The following ERI3 variants were observed in gnomAD, a reference collection of about 807,000 sequenced individuals.
The protein encoded by ERI3 is ERI1 exoribonuclease 3.
A neutral mutation model predicts 44.4 loss-of-function variants in ERI3; 18 were observed. The observed-to-expected ratio is 0.41, with a 90% CI of 0.28 to 0.60. The LOEUF (loss-of-function observed/expected upper bound fraction) is 0.60. Ranked by LOEUF, ERI3 falls within the 20% of genes least tolerant of loss-of-function variation. The pLI, the probability that ERI3 is intolerant of heterozygous loss-of-function variation, is 0.36. For synonymous variants in ERI3, 183 were observed against 164.8 expected (o/e 1.11, Z -0.84); for missense variants, 294 against 435.5 (o/e 0.68, Z 2.89).
intron 8 of ERI3, among the ~76,000 whole-genome samples, chr1:44,243,005 G>A (rs576621335): frequency 1.4e-4 from 22 of 152,276 alleles, no homozygotes; most frequent in Non-Finnish European, 2.9e-4. Context: ...CGATTCTCCC[G>A]CAGTGACACC....
At chr1:44,259,709 C>CACACACACACACAA (rs1644851469) in intron 7 of ERI3, among the ~76,000 whole-genome samples, 2 of 151,574 alleles carry the variant, frequency 1.3e-5, no homozygotes, top group Admixed American at 1.3e-4. Context: ...CACACACACA[C>CACACACACACACAA]ACACACACAC....
intron 7 of ERI3, among the ~76,000 whole-genome samples, chr1:44,267,817 C>G (rs1160003012): frequency 6.6e-6 from 1 of 152,220 alleles, no homozygotes; most frequent in Non-Finnish European, 1.5e-5. Flanking sequence ...CTGCCCACAC[C>G]CACACAAAAA....
At chr1:44,338,376 G>A (rs1354782653) in intron 3 of ERI3, among the ~76,000 whole-genome samples, 3 of 152,156 alleles carry the variant, frequency 2.0e-5, no homozygotes, top group Non-Finnish European at 4.4e-5. Flanking sequence ...CCTGACCGGG[G>A]CTGGTAGATT....
chr1:44,313,043 C>T, intron 5 of ERI3, 126 bp downstream of exon 5: 2 of 814,666 alleles, frequency 2.5e-6, no homozygotes, highest in East Asian at 2.6e-5. Flanking sequence ...ACTGATGTGA[C>T]AGCAAATGTT....
chr1:44,227,869 T>C (rs550210334), intron 8 of ERI3, among the ~76,000 whole-genome samples: 43 of 152,302 alleles, frequency 2.8e-4, no homozygotes, highest in Middle Eastern at 6.8e-3. Flanking sequence ...TCTTCTTCTC[T>C]AAAATGGGAA....
chr1:44,342,835 ATATATAT>A (rs1646695471), intron 2 of ERI3, among the ~76,000 whole-genome samples: 1 of 25,548 alleles, frequency 3.9e-5, no homozygotes, highest in Non-Finnish European at 7.2e-5. Flanking sequence ...ATATATATAT[ATATATAT>A]ATATATATAT....
At chr1:44,336,186 AG>A (rs1353443077) in intron 3 of ERI3, among the ~76,000 whole-genome samples, 2 of 152,220 alleles carry the variant, frequency 1.3e-5, no homozygotes, top group Non-Finnish European at 2.9e-5. Context: ...TAAACAGCAC[AG>A]GGGCTCTAAT....
At chr1:44,348,263 G>C (rs1317245929) in intron 2 of ERI3, among the ~76,000 whole-genome samples, 1 of 152,168 alleles carries the variant, frequency 6.6e-6, no homozygotes, top group Non-Finnish European at 1.5e-5. Context: ...GAGACAGACA[G>C]GGAGAGAGAG....
chr1:44,263,613 G>A (rs1267219002), intron 7 of ERI3, among the ~76,000 whole-genome samples: 2 of 152,222 alleles, frequency 1.3e-5, no homozygotes, highest in Admixed American at 6.5e-5. Flanking sequence ...GCAACCAGGT[G>A]GCTTCCTGGA....
intron 1 of ERI3, chr1:44,354,381 A>G (rs1046117952): frequency 2.0e-6 from 2 of 985,424 alleles, no homozygotes; most frequent in Non-Finnish European, 1.2e-6. Flanking sequence ...AACAAGGAGC[A>G]GTTATATTTT....
chr1:44,246,261 G>C (rs1246002768), intron 8 of ERI3, among the ~76,000 whole-genome samples: 2 of 152,108 alleles, frequency 1.3e-5, no homozygotes, highest in Non-Finnish European at 2.9e-5. Flanking sequence ...ATGCCCACAG[G>C]CCTTTCTACT....
rs1193466254 is a variant in ERI3 at position 44,355,204 on chromosome 1, C to CCCGG, written c.-182_-179dup. The CCCGG allele has an allele frequency of 8.4e-7, 1 of 1,195,054 alleles. No homozygotes were observed. Among genetic ancestry groups the CCCGG allele is most frequent in the African/African-American group, 1.6e-5 (1 of 62,976 alleles). 74.0% of individuals were successfully genotyped at this position (1,195,054 alleles called of 1,614,324 possible). A position where few individuals can be genotyped will look rare whatever the true frequency, so the allele number is the denominator to read the frequency against. ...CTCCGCCCGCTCCCCACCGCCCGTTCCCGGCCGCCTGAACAGCGGCAGCCA... is the reference window on the plus strand; with the variant it reads ...CTCCGCCCGCTCCCCACCGCCCGTTCCCGGCCGGCCGCCTGAACAGCGGCAGCCA... On this transcript the variant is annotated 5_prime_UTR_variant, in exon 1 of 9. Coordinates refer to ENST00000372257, the MANE Select transcript of ERI3 (RefSeq NM_024066.3).
intron 7 of ERI3, among the ~76,000 whole-genome samples, chr1:44,250,393 G>A (rs1226290339): frequency 2.0e-5 from 3 of 152,174 alleles, no homozygotes; most frequent in East Asian, 1.9e-4. Flanking sequence ...CCGCGTCACC[G>A]TGATTAGATT....
chr1:44,316,256 C>T (rs945620514), intron 4 of ERI3, among the ~76,000 whole-genome samples: 5 of 152,174 alleles, frequency 3.3e-5, no homozygotes, highest in African/African-American at 1.2e-4. Context: ...AGAACCAGGG[C>T]TCACAGGCTA....
intron 6 of ERI3, among the ~76,000 whole-genome samples, chr1:44,289,325 G>A (rs1645457172): frequency 6.6e-6 from 1 of 152,130 alleles, no homozygotes; most frequent in South Asian, 2.1e-4. Flanking sequence ...ATGGGTCTAA[G>A]GCCAGAAAGG....
chr1:44,327,478 T>C (rs188563675), intron 3 of ERI3, among the ~76,000 whole-genome samples: 31 of 152,364 alleles, frequency 2.0e-4, no homozygotes, highest in African/African-American at 7.5e-4. Context: ...ACTTAATATG[T>C]TTAACTCAGT....
chr1:44,274,113 T>C (rs1297923518), intron 7 of ERI3, among the ~76,000 whole-genome samples: 1 of 152,184 alleles, frequency 6.6e-6, no homozygotes, highest in Non-Finnish European at 1.5e-5. Context: ...GCCCTGACAG[T>C]AAGGCATTTC....
intron 7 of ERI3, among the ~76,000 whole-genome samples, chr1:44,260,340 G>A (rs1310596653): frequency 6.6e-6 from 1 of 152,224 alleles, no homozygotes; most frequent in Non-Finnish European, 1.5e-5. Context: ...TCACTGCACA[G>A]GCAGCAATTG....
intron 3 of ERI3, among the ~76,000 whole-genome samples, chr1:44,320,746 T>C (rs1449144641): frequency 2.0e-5 from 3 of 151,992 alleles, no homozygotes; most frequent in Admixed American, 6.5e-5. Context: ...TTTTAAAACA[T>C]GAATGGAATT....
Sources: allele counts gnomAD v4.1 joint callset (sites outside exome capture counted in the v4.1 genomes callset), GRCh38; gene constraint gnomAD v4.1.1; transcripts MANE v1.5; gene names NCBI Gene and HGNC (gene_info 2026-07-23, HGNC 2026-07-21).